The following RAP1A variants were observed in gnomAD, a reference collection of about 807,000 sequenced individuals.
The protein encoded by RAP1A is RAP1A, member of RAS oncogene family, also known as ras-related protein Rap-1A.
Under a neutral mutation model 26.4 loss-of-function variants are expected in RAP1A, and 6 were observed. The ratio of observed to expected loss-of-function variants is 0.23; its 90% CI spans 0.12 to 0.45. The LOEUF is 0.45. Among genes scored for constraint, RAP1A ranks in the 20% least tolerant of loss-of-function variants. The probability of loss-of-function intolerance (pLI) is 0.99; values close to 1 mark genes in which losing one functional copy is unlikely to be tolerated. For synonymous variants in RAP1A, 73 were observed against 79.4 expected (o/e 0.92, Z 0.43); for missense variants, 121 against 217.2 (o/e 0.56, Z 2.78).
intron 1 of RAP1A, among the ~76,000 whole-genome samples, chr1:111,632,225 CT>C (rs11314521): frequency 0.79 from 115,320 of 145,800 alleles, 45,571 homozygotes; most frequent in African/African-American, 0.85. Flanking sequence ...TAAATGAGGG[CT>C]TTTTTTTTTT....
At position 111,634,409 on chromosome 1, in the gene RAP1A, T is replaced by C. The variant is rs536544522; in HGVS notation, c.-28+14475T>C. 1.1e-4 allele frequency among the ~76,000 whole-genome samples: 16 copies of C among 151,852 alleles called. No individual in the cohort carries two copies. In the East Asian group the frequency reaches 2.3e-3, roughly 22 times the overall value. On this transcript the variant is annotated intron_variant, in intron 1 of 7. Coordinates refer to ENST00000369709, the MANE Select transcript of RAP1A (RefSeq NM_002884.4). ...GATTACCAGTGTTTACATAGTATGA[T>C]TTTAGTACTTATTTTTAAAATATAT...
Position 111,703,473 on chromosome 1 carries a change from A to C in RAP1A, c.321A>C (p.Glu107Asp). Residue 107 changes from glutamate (E) to aspartate (D), a missense_variant, in exon 5 of 8, where the codon GAA becomes GAC. By Grantham distance (45) the Glu-to-Asp change is conservative. Transcript: ENST00000369709. Reference sequence around the variant, plus strand: ...AGATTTTACGGGTTAAGGACACGGAAGATGTAAGTATTTTTTCTCTCTGTA... The same window carrying C: ...AGATTTTACGGGTTAAGGACACGGACGATGTAAGTATTTTTTCTCTCTGTA... ...REQILRVKDT[E>D]DVPMILVGNK... 6.3e-7 allele frequency: 1 copy of C among 1,581,312 alleles called. No individual in the cohort carries two copies. The highest frequency in any genetic ancestry group is 8.6e-7 in the Non-Finnish European group (1 of 1,167,112).
intron 6 of RAP1A, among the ~76,000 whole-genome samples, chr1:111,706,407 AAC>A: frequency 6.6e-6 from 1 of 152,114 alleles, no homozygotes; most frequent in African/African-American, 2.4e-5. Context: ...TAAATTTGAA[AAC>A]AGACACCAGG....
At chr1:111,676,882 T>G (rs1661142564) in intron 1 of RAP1A, among the ~76,000 whole-genome samples, 1 of 151,926 alleles carries the variant, frequency 6.6e-6, no homozygotes, top group Non-Finnish European at 1.5e-5. Context: ...TACCCTCCGC[T>G]TCCCATGTTC....
chr1:111,560,640 C>T (rs186076619), intron 1 of RAP1A, among the ~76,000 whole-genome samples: 2 of 152,082 alleles, frequency 1.3e-5, no homozygotes, highest in Non-Finnish European at 2.9e-5. Flanking sequence ...AAGCATGCCT[C>T]ACCACATCCA....
chr1:111,647,092 A>T (rs1384476242), intron 1 of RAP1A, among the ~76,000 whole-genome samples: 2 of 152,170 alleles, frequency 1.3e-5, no homozygotes, highest in Non-Finnish European at 2.9e-5. Flanking sequence ...CCTGTTAGGA[A>T]CCAGGCTGCA....
chr1:111,674,057 T>A (rs1406591057), intron 1 of RAP1A, among the ~76,000 whole-genome samples: 1 of 152,180 alleles, frequency 6.6e-6, no homozygotes, highest in African/African-American at 2.4e-5. Flanking sequence ...TTTCCCTAGT[T>A]TCTGTTGCTG....
At chr1:111,557,906 A>G (rs934925759) in intron 1 of RAP1A, among the ~76,000 whole-genome samples, 3 of 152,242 alleles carry the variant, frequency 2.0e-5, no homozygotes, top group Non-Finnish European at 4.4e-5. Context: ...AGAGAAATGT[A>G]TCAAATAGCT....
intron 1 of RAP1A, among the ~76,000 whole-genome samples, chr1:111,567,589 G>A (rs558132995): frequency 6.6e-6 from 1 of 152,314 alleles, no homozygotes; most frequent in Admixed American, 6.5e-5. Flanking sequence ...TCTTTATGGA[G>A]GTAACTGAGG....
chr1:111,613,696 C>T (rs1161853649), intron 1 of RAP1A, among the ~76,000 whole-genome samples: 2 of 152,184 alleles, frequency 1.3e-5, no homozygotes, highest in African/African-American at 2.4e-5. Flanking sequence ...CCTGATTCAC[C>T]TAGACGAGGC....
At chr1:111,653,155 A>G (rs1309977436) in intron 1 of RAP1A, among the ~76,000 whole-genome samples, 3 of 152,244 alleles carry the variant, frequency 2.0e-5, no homozygotes, top group African/African-American at 7.2e-5. Flanking sequence ...GCCAGACACA[A>G]AAGGCCACAA....
chr1:111,579,488 T>A (rs945743825), intron 1 of RAP1A, among the ~76,000 whole-genome samples: 1 of 152,220 alleles, frequency 6.6e-6, no homozygotes, highest in South Asian at 2.1e-4. Context: ...TCTCATTTAA[T>A]GTAACACTGA....
intron 1 of RAP1A, among the ~76,000 whole-genome samples, chr1:111,607,790 C>T (rs1324435595): frequency 2.2e-5 from 3 of 136,166 alleles, no homozygotes; most frequent in Admixed American, 7.4e-5. Context: ...CCTCACCTCC[C>T]GGACGGGGCG....
chr1:111,653,374 A>G (rs6696335), intron 1 of RAP1A, among the ~76,000 whole-genome samples: 7 of 152,082 alleles, frequency 4.6e-5, no homozygotes, highest in Admixed American at 1.3e-4. Context: ...TTTTAAATCC[A>G]CTGAATTGTG....
intron 1 of RAP1A, among the ~76,000 whole-genome samples, chr1:111,686,368 G>A (rs1325905451): frequency 6.6e-6 from 1 of 152,166 alleles, no homozygotes; most frequent in African/African-American, 2.4e-5. Context: ...GGAGGCCGAG[G>A]CGTCTTGAGC....
At position 111,619,802 on chromosome 1, in the gene RAP1A, A is replaced by G; in HGVS notation, c.-160A>G. 2.5e-6 allele frequency: 1 copy of G among 397,864 alleles called. No homozygotes were observed. The highest frequency in any genetic ancestry group is 4.4e-6 in the Non-Finnish European group (1 of 226,148). The allele number at this position is 397,864 out of a possible 1,614,324, so 24.6% of individuals were successfully genotyped here. The stretch of plus-strand genomic sequence containing the variant: ...GGAGGAGGCGCCGCCGCCGCTCCCG[A>G]GGCCCCTGCCGCCGCCGCTCCCGCT... On this transcript the variant is annotated 5_prime_UTR_variant, in exon 1 of 8. Coordinates refer to ENST00000369709, the MANE Select transcript of RAP1A (RefSeq NM_002884.4).
At chr1:111,618,765 T>C (rs1659068170), upstream of RAP1A, among the ~76,000 whole-genome samples, 1 of 152,186 alleles carries the variant, frequency 6.6e-6, no homozygotes, top group Admixed American at 6.5e-5. Context: ...TGATTTCTTT[T>C]TGTTCTTTCA....
chr1:111,692,957 A>G (rs185157227), intron 2 of RAP1A, among the ~76,000 whole-genome samples: 55 of 152,280 alleles, frequency 3.6e-4, no homozygotes, highest in Non-Finnish European at 7.4e-4. Context: ...ATTTAGTCCT[A>G]TGTCCATGAA....
At position 111,694,783 on chromosome 1, in the gene RAP1A, T is replaced by C. The variant is rs930966253; in HGVS notation, c.58-558T>C. ...AATAGACATTCAGTAAGTTTAAATT[T>C]CCCTTTCTCTTTTCCACCACAATTT... is the stretch of plus-strand genomic sequence containing the variant. On this transcript the variant is annotated intron_variant, in intron 2 of 7. Coordinates refer to ENST00000369709, the MANE Select transcript of RAP1A (RefSeq NM_002884.4). 2.6e-5 allele frequency among the ~76,000 whole-genome samples: 4 copies of C among 152,298 alleles called. No individual in the cohort carries two copies. The East Asian group carries it at 7.7e-4, about 29-fold the overall frequency.
Sources: allele counts gnomAD v4.1 joint callset (sites outside exome capture counted in the v4.1 genomes callset), GRCh38; gene constraint gnomAD v4.1.1; transcripts MANE v1.5; gene names NCBI Gene and HGNC (gene_info 2026-07-23, HGNC 2026-07-21).